The following TAS2R1 variants were observed in gnomAD, a reference collection of about 807,000 sequenced individuals.
TAS2R1 encodes taste receptor type 2 member 1.
For synonymous variants in TAS2R1, 141 were observed against 134.2 expected, an observed-to-expected ratio of 1.05 and a Z score of -0.35; for missense variants, 370 against 353.4, an observed-to-expected ratio of 1.05 and a Z score of -0.38.
chr5:9,679,416 T>A (rs2126509096), intron 1 of TAS2R1, among the ~76,000 whole-genome samples: 1 of 152,286 alleles, frequency 6.6e-6, no homozygotes, highest in South Asian at 2.1e-4. Flanking sequence ...CCAGAGAATC[T>A]AACTGTACTA....
At chr5:9,772,314 CA>C in the TAS2R1 span, among the ~76,000 whole-genome samples, 1 of 151,976 alleles carries the variant, frequency 6.6e-6, no homozygotes, top group South Asian at 2.1e-4. Context: ...GTATAGTTTC[CA>C]AAGTTTCTCT....
At chr5:9,702,113 C>A (rs558969232) in intron 1 of TAS2R1, among the ~76,000 whole-genome samples, 34 of 152,302 alleles carry the variant, frequency 2.2e-4, no homozygotes, top group African/African-American at 7.7e-4. Flanking sequence ...AGGCTCTATT[C>A]TTCTTGTTTC....
the TAS2R1 span, among the ~76,000 whole-genome samples, chr5:9,770,879 CCTTT>C: frequency 6.6e-6 from 1 of 152,050 alleles, no homozygotes; most frequent in East Asian, 1.9e-4. Flanking sequence ...ATTTGGTTTC[CCTTT>C]CTTTCTTTCT....
the TAS2R1 span, among the ~76,000 whole-genome samples, chr5:9,820,959 C>T: frequency 6.6e-6 from 1 of 152,054 alleles, no homozygotes; most frequent in Non-Finnish European, 1.5e-5. Context: ...AAACATGAAT[C>T]CCGGGAAAGA....
chr5:9,851,928 C>T, the TAS2R1 span, among the ~76,000 whole-genome samples: 2 of 152,190 alleles, frequency 1.3e-5, no homozygotes, highest in African/African-American at 4.8e-5. Flanking sequence ...CATTTCCAGA[C>T]AGCTTCAGAT....
the TAS2R1 span, among the ~76,000 whole-genome samples, chr5:9,867,992 G>A: frequency 6.6e-6 from 1 of 152,188 alleles, no homozygotes; most frequent in Non-Finnish European, 1.5e-5. Flanking sequence ...CTCACATCCA[G>A]GTCATTCTGA....
chr5:9,748,942 C>G, the TAS2R1 span, among the ~76,000 whole-genome samples: 2 of 152,260 alleles, frequency 1.3e-5, no homozygotes, highest in East Asian at 3.9e-4. Flanking sequence ...CCCCTCCATA[C>G]CCAGCCAGGG....
At chr5:9,776,948 AATAAC>A in the TAS2R1 span, among the ~76,000 whole-genome samples, 1 of 152,280 alleles carries the variant, frequency 6.6e-6, no homozygotes, top group Admixed American at 6.5e-5. Context: ...TTAAGTGTGC[AATAAC>A]ATATGTTTAA....
chr5:9,705,510 TAG>T (rs1262657104), intron 1 of TAS2R1, among the ~76,000 whole-genome samples: 2 of 152,174 alleles, frequency 1.3e-5, no homozygotes, highest in Non-Finnish European at 2.9e-5. Context: ...CAGGGGATTT[TAG>T]AGTCGCCAAC....
At chr5:9,841,474 T>C in the TAS2R1 span, among the ~76,000 whole-genome samples, 1 of 152,200 alleles carries the variant, frequency 6.6e-6, no homozygotes, top group South Asian at 2.1e-4. Context: ...TCTATTCTGA[T>C]GTACTGAATT....
chr5:9,633,691 G>A (rs2126476425), upstream of TAS2R1, among the ~76,000 whole-genome samples: 1 of 152,028 alleles, frequency 6.6e-6, no homozygotes. Flanking sequence ...GTGTTTCCCT[G>A]ATAATTAGTG....
At chr5:9,748,611 CA>C in the TAS2R1 span, among the ~76,000 whole-genome samples, 3 of 151,418 alleles carry the variant, frequency 2.0e-5, no homozygotes, top group African/African-American at 7.3e-5. Context: ...TGAGAGTAAG[CA>C]AGAGAAAGAG....
the TAS2R1 span, among the ~76,000 whole-genome samples, chr5:9,902,256 G>C: frequency 3.3e-5 from 5 of 151,906 alleles, no homozygotes; most frequent in Non-Finnish European, 5.9e-5. Context: ...GTATGCTATT[G>C]AGGCATACAT....
intron 2 of TAS2R1, among the ~76,000 whole-genome samples, chr5:9,657,674 A>T (rs1740441395): frequency 6.6e-6 from 1 of 152,218 alleles, no homozygotes; most frequent in South Asian, 2.1e-4. Context: ...TATTTCAGGA[A>T]CATGAAGTTC....
intron 1 of TAS2R1, among the ~76,000 whole-genome samples, chr5:9,668,848 C>A (rs551221562): frequency 3.6e-4 from 55 of 151,680 alleles, no homozygotes; most frequent in Non-Finnish European, 6.8e-4. Flanking sequence ...AAAAAAAAAA[C>A]CACACAATCA....
the TAS2R1 span, among the ~76,000 whole-genome samples, chr5:9,735,682 C>T: frequency 1.3e-5 from 2 of 152,192 alleles, no homozygotes; most frequent in African/African-American, 2.4e-5. Context: ...GTTAAGATAA[C>T]AGAAAACTGC....
the TAS2R1 span, among the ~76,000 whole-genome samples, chr5:9,831,656 G>T: frequency 1.6e-4 from 24 of 150,220 alleles, no homozygotes; most frequent in Non-Finnish European, 3.1e-4. Context: ...TAGTTTTAAA[G>T]AAAAACTAGG....
intron 1 of TAS2R1, among the ~76,000 whole-genome samples, chr5:9,684,347 T>C (rs768383737): frequency 2.6e-5 from 4 of 152,140 alleles, no homozygotes; most frequent in Non-Finnish European, 5.9e-5. Context: ...AGCTGAAAAG[T>C]TGAACTCATA....
chr5:9,721,810 A>C, the TAS2R1 span, among the ~76,000 whole-genome samples: 2 of 152,228 alleles, frequency 1.3e-5, no homozygotes, highest in Non-Finnish European at 2.9e-5. Context: ...CATTTCAATA[A>C]AATTTCATGT....
Sources: allele counts gnomAD v4.1 joint callset (sites outside exome capture counted in the v4.1 genomes callset), GRCh38; gene constraint gnomAD v4.1.1; transcripts MANE v1.5; gene names NCBI Gene and HGNC (gene_info 2026-07-23, HGNC 2026-07-21).